The following NFATC4 variants were observed in gnomAD, a reference collection of about 807,000 sequenced individuals.
The protein encoded by NFATC4 is nuclear factor of activated T cells 4.
Under a neutral mutation model 73.4 loss-of-function variants are expected in NFATC4, and 25 were observed. The ratio of observed to expected loss-of-function variants is 0.34; its 90% CI spans 0.25 to 0.48. The LOEUF is 0.48. Ranked by LOEUF, NFATC4 falls within the 20% of genes least tolerant of loss-of-function variation. NFATC4 has a pLI of 0.99. For synonymous variants in NFATC4, 523 were observed against 510.3 expected, an observed-to-expected ratio of 1.02 and a Z score of -0.34; for missense variants, 1,130 against 1,203.7, an observed-to-expected ratio of 0.94 and a Z score of 0.91.
At chr14:24,368,045 T>A (rs867449763), upstream of NFATC4, 3 of 673,612 alleles carry the variant, frequency 4.5e-6, no homozygotes, top group Non-Finnish European at 5.0e-6. Flanking sequence ...GGAGGGAGGG[T>A]GGGGGAGGAC....
intron 2 of NFATC4, among the ~76,000 whole-genome samples, chr14:24,371,169 G>T (rs1447093942): frequency 6.6e-6 from 1 of 152,178 alleles, no homozygotes; most frequent in African/African-American, 2.4e-5. Context: ...CACCCTCAGA[G>T]AATCTTGCCC....
chr14:24,373,705 G>T lies in NFATC4; in HGVS notation c.1570G>T (p.Ala524Ser). The change falls in exon 5 of 10, where the codon GCG becomes TCG. Residue 524 changes from alanine to serine, a missense_variant. Physicochemically the swap from Ala to Ser is moderately conservative, Grantham distance 99 (BLOSUM62 1). Around this residue, in one of 3 missense-constraint regions of NFATC4, gnomAD observed 155 missense variants for 221.2 expected, o/e 0.70. Transcript: ENST00000250373. The surrounding 1 kb of genome is among the most constrained non-coding windows in gnomAD (Gnocchi z 4.7). ...ENNMAANIDC[A>S]GILKLRNSDI... ...ATCCTTTGCCTCCAGCATTGACTGC[G>T]CGGGAATCCTGAAGCTTCGGAATTC... 1.2e-6 allele frequency: 2 copies of T among 1,609,500 alleles called. No homozygotes were observed. The highest frequency in any genetic ancestry group is 1.7e-6 in the Non-Finnish European group (2 of 1,176,952).
rs1044181676 is a variant in NFATC4 at position 24,373,101 on chromosome 14, A to T, written c.1360-70A>T. 5 of 1,487,960 alleles carry T rather than the reference A, an allele frequency of 3.4e-6. No homozygotes were observed. The highest frequency in any genetic ancestry group is 2.4e-5 in the South Asian group (2 of 84,758). 92.2% of individuals were successfully genotyped at this position (1,487,960 alleles called of 1,614,324 possible). The stretch of plus-strand genomic sequence containing the variant: ...CCATTCCCATCCCATGGTAGACTGA[A>T]AATCTAGGGATGAATAAAGGATGAG... On this transcript the variant is annotated intron_variant, in intron 3 of 9. Transcript: ENST00000250373. This position sits in a 1 kb window ranked among gnomAD's most constrained non-coding sequence, Gnocchi z 4.7.
Position 24,377,148 on chromosome 14 carries a change from G to A in NFATC4, c.2641+270G>A. The A allele has an allele frequency of 7.7e-7, 1 of 1,293,170 alleles. No homozygotes were observed. Among genetic ancestry groups the A allele is most frequent in the Non-Finnish European group, 9.8e-7 (1 of 1,025,134 alleles). 80.1% of individuals were successfully genotyped at this position (1,293,170 alleles called of 1,614,324 possible). ...AAATCATAAAATCTCAGAGCTAGAA[G>A]CACTTTCAAGATCATTCCATCCAGC... On this transcript the variant is annotated intron_variant, in intron 9 of 9. Coordinates refer to ENST00000250373, the MANE Select transcript of NFATC4 (RefSeq NM_004554.5). The surrounding 1 kb of genome is among the most constrained non-coding windows in gnomAD (Gnocchi z 4.2).
At chr14:24,367,601 C>A, upstream of NFATC4, 1 of 1,536,136 alleles carries the variant, frequency 6.5e-7, no homozygotes, top group Non-Finnish European at 8.7e-7. Context: ...CTGATGGAGG[C>A]GCTGATTCGG....
rs1188522781 is a variant in NFATC4, at chr14:24,376,597, T to C, written c.2360T>C (p.Phe787Ser). 6.2e-7 allele frequency: 1 copy of C among 1,613,852 alleles called. No homozygotes were observed. The change falls in exon 9 of 10, where the codon TTC becomes TCC. Residue 787 changes from phenylalanine to serine, a missense_variant. Phe to Ser is a radical substitution (Grantham distance 155). Coordinates refer to ENST00000250373, the MANE Select transcript of NFATC4 (RefSeq NM_004554.5). The surrounding 1 kb of genome is among the most constrained non-coding windows in gnomAD (Gnocchi z 5.0). ...PPAVSFLPRP[F>S]PSDPYGGRGS... ...GCAGTTTCCTTCCTTCCCCGCCCCT[T>C]CCCTAGTGACCCGTATGGAGGGCGG...
chr14:24,373,759 G>A lies in NFATC4; in HGVS notation c.1624G>A (p.Asp542Asn), dbSNP rs2042536092. ...SDIELRKGET[D>N]IGRKNTRVRL... is the part of the protein sequence containing the mutation. Reference sequence around the variant, plus strand: ...CATTGAGCTTCGGAAGGGTGAGACGGACATCGGGCGCAAAAACACACGTGT... The same window carrying A: ...CATTGAGCTTCGGAAGGGTGAGACGAACATCGGGCGCAAAAACACACGTGT... The change falls in exon 5 of 10, where the codon GAC becomes AAC. Residue 542 changes from aspartate (D) to asparagine (N), a missense_variant. Asp to Asn is a conservative substitution (Grantham distance 23). Around this residue, in one of 3 missense-constraint regions of NFATC4, gnomAD observed 155 missense variants for 221.2 expected, o/e 0.70. Coordinates refer to ENST00000250373, the MANE Select transcript of NFATC4 (RefSeq NM_004554.5). The surrounding 1 kb of genome is among the most constrained non-coding windows in gnomAD (Gnocchi z 4.7). 1 of 1,614,044 alleles carries A rather than the reference G, an allele frequency of 6.2e-7. No homozygotes were observed.
At chr14:24,367,000 G>A, upstream of NFATC4, 1 of 1,607,344 alleles carries the variant, frequency 6.2e-7, no homozygotes, top group Non-Finnish European at 8.5e-7. Context: ...GAGGGATTTA[G>A]AGACTGGAGA....
chr14:24,368,106 C>A (rs1310871966), upstream of NFATC4: 3 of 1,181,918 alleles, frequency 2.5e-6, no homozygotes, highest in South Asian at 7.6e-5. Flanking sequence ...GCTGGAGCAT[C>A]CCCGGCAGCC....
At position 24,376,520 on chromosome 14, in the gene NFATC4, C is replaced by T; in HGVS notation, c.2283C>T (p.Gly761=). The T allele has an allele frequency of 6.2e-7, 1 of 1,613,984 alleles. No homozygotes were observed. Residue 761 remains glycine (G), a synonymous_variant, in exon 9 of 10, where the codon GGC becomes GGT. Coordinates refer to ENST00000250373, the MANE Select transcript of NFATC4 (RefSeq NM_004554.5). The surrounding 1 kb of genome is among the most constrained non-coding windows in gnomAD (Gnocchi z 5.0). The stretch of plus-strand genomic sequence containing the variant: ...GGCCCCCACCATCCTACAGACCGGG[C>T]CTGCGGATGTTCCCTGAGACTAGGG... ...QTGPPPSYRP[G]LRMFPETRGT...
chr14:24,374,601 C>T, intron 6 of NFATC4, 135 bp downstream of exon 6: 2 of 807,842 alleles, frequency 2.5e-6, no homozygotes, highest in Non-Finnish European at 3.8e-6. Flanking sequence ...GACAGACTAC[C>T]CTTTCTATTA....
Position 24,369,709 on chromosome 14 carries a change from G to T in NFATC4, c.311G>T (p.Gly104Val). The T allele has an allele frequency of 6.2e-7, 1 of 1,610,874 alleles. No homozygotes were observed. Among genetic ancestry groups the T allele is most frequent in the Non-Finnish European group, 8.5e-7 (1 of 1,178,290 alleles). The change falls in exon 2 of 10, where the codon GGT becomes GTT. Residue 104 changes from glycine to valine, a missense_variant. Coordinates refer to ENST00000250373, the MANE Select transcript of NFATC4 (RefSeq NM_004554.5). The part of the protein sequence containing the change: ...RLGGPGGGAG[G>V]AGGGRVLECP... ...GGAGGACCAGGAGGGGGTGCTGGGG[G>T]TGCTGGGGGTGGCCGTGTTCTCGAG...
chr14:24,374,566 GT>G, intron 6 of NFATC4, 100 bp downstream of exon 6: 2 of 1,223,464 alleles, frequency 1.6e-6, no homozygotes, highest in Non-Finnish European at 2.3e-6. Context: ...TGGAGCCTCA[GT>G]TTTTTTATTT....
At chr14:24,375,748 CGGGGGTGGGAGAAGGCA>C in intron 7 of NFATC4, 33 bp downstream of exon 7, 1 of 410,412 alleles carries the variant, frequency 2.4e-6, no homozygotes, top group Non-Finnish European at 3.8e-6. Context: ...TCCTGGGGGG[CGGGGGTGGGAGAAGGCA>C]GGGGATTCTC....
chr14:24,369,467 CT>C, intron 1 of NFATC4, 31 bp from the exon 2 acceptor site: 1 of 1,612,842 alleles, frequency 6.2e-7, no homozygotes, highest in Non-Finnish European at 8.5e-7. Context: ...CTCTTTCCCC[CT>C]CTCCCTCTGC....
At position 24,370,408 on chromosome 14, in the gene NFATC4, A is replaced by C. The variant is rs2042442840; in HGVS notation, c.1010A>C (p.Gln337Pro). 4 of 1,614,084 alleles carry C rather than the reference A, an allele frequency of 2.5e-6. No homozygotes were observed. The highest frequency in any genetic ancestry group is 3.4e-6 in the Non-Finnish European group (4 of 1,180,024). Residue 337 changes from glutamine to proline, a missense_variant, in exon 2 of 10, where the codon CAG becomes CCG. Physicochemically the swap from Gln to Pro is moderately conservative, Grantham distance 76. Transcript: ENST00000250373. ...PQKTRRTSSE[Q>P]AVALPRSEEP... ...AAGACACGGCGGACTTCCAGCGAGC[A>C]GGCAGTGGCTCTGCCTCGGTCTGAG...
Position 24,369,697 on chromosome 14 carries a change from G to A in NFATC4, c.299G>A (p.Gly100Glu), listed in dbSNP as rs754283690. ...TCGGTGAGGCTGGGAGGACCAGGAG[G>A]GGGTGCTGGGGGTGCTGGGGGTGGC... is the stretch of plus-strand genomic sequence containing the variant. ...ARSVRLGGPG[G>E]GAGGAGGGRV... The change falls in exon 2 of 10, where the codon GGG (glycine) becomes GAG (glutamate). Residue 100 changes from glycine (G) to glutamate (E), a missense_variant. By Grantham distance (98) the Gly-to-Glu change is moderately conservative. This residue lies in a region of NFATC4 where 585 missense variants were observed against 574.3 expected (regional missense o/e 1.02). Coordinates refer to ENST00000250373, the MANE Select transcript of NFATC4 (RefSeq NM_004554.5). 8.1e-6 allele frequency: 13 copies of A among 1,608,826 alleles called. No homozygotes were observed. Among genetic ancestry groups the A allele is most frequent in the African/African-American group, 1.3e-5 (1 of 74,802 alleles).
Position 24,374,354 on chromosome 14 carries a change from G to A in NFATC4, c.1761G>A (p.Gln587=), listed in dbSNP as rs774913426. 55 of 1,613,480 alleles carry A rather than the reference G, an allele frequency of 3.4e-5. No homozygotes were observed. The South Asian group carries it at 5.9e-4, about 17-fold the overall frequency. The change falls in exon 6 of 10, where the codon CAG becomes CAA. Residue 587 remains glutamine, a synonymous_variant. Transcript: ENST00000250373. ...AGCGCTCAGCCCAGGAGCTGCCCCA[G>A]GTGGAGGCCTACAGCCCCAGTGCCT... The part of the protein sequence containing the change: ...CSQRSAQELP[Q]VEAYSPSACS...
Position 24,370,143 on chromosome 14 carries a change from C to A in NFATC4, c.745C>A (p.Leu249Ile). ...GGRGPEDSWLLLSAPGPTPAS... is the reference protein window; with the variant it reads ...GGRGPEDSWLILSAPGPTPAS... ...CCGAGGGCCAGAGGATAGCTGGCTACTCCTCAGTGCTCCTGGGCCCACCCC... is the reference window on the plus strand; with the variant it reads ...CCGAGGGCCAGAGGATAGCTGGCTAATCCTCAGTGCTCCTGGGCCCACCCC... The change falls in exon 2 of 10, where the codon CTC (leucine) becomes ATC (isoleucine). Residue 249 changes from leucine to isoleucine, a missense_variant. Around this residue, in one of 3 missense-constraint regions of NFATC4, gnomAD observed 585 missense variants for 574.3 expected, o/e 1.02. Transcript: ENST00000250373. 2 of 1,603,546 alleles carry A rather than the reference C, an allele frequency of 1.2e-6. No homozygotes were observed. Among genetic ancestry groups the A allele is most frequent in the Non-Finnish European group, 1.7e-6 (2 of 1,179,686 alleles).
Sources: gnomAD v4.1 joint callset for allele counts (sites outside exome capture counted in the v4.1 genomes callset) on GRCh38, gnomAD v4.1.1 for gene constraint, gnomAD v4.1.1 regional missense constraint, Gnocchi (gnomAD v3.1) non-coding constraint, MANE v1.5 for transcripts, NCBI Gene and HGNC (gene_info 2026-07-23, HGNC 2026-07-21) for gene names.